SETD2: variants seen among roughly 807,000 people sequenced by gnomAD.
SETD2 encodes histone-lysine N-methyltransferase SETD2.
SETD2 carries 31 observed loss-of-function variants against 242.1 expected under a neutral mutation model. The ratio of observed to expected loss-of-function variants is 0.13; its 90% CI spans 0.10 to 0.17. The LOEUF (loss-of-function observed/expected upper bound fraction) is 0.17. Ranked by LOEUF, SETD2 falls within the 10% of genes least tolerant of loss-of-function variation. The pLI is 1.00. For missense variants in SETD2, 2,481 were observed against 3,046.3 expected, an observed-to-expected ratio of 0.81 and a Z score of 4.37; for synonymous variants, 1,006 against 1,066.5, an observed-to-expected ratio of 0.94 and a Z score of 1.11.
chr3:47,085,626 A>C (rs2041520212), intron 11 of SETD2, among the ~76,000 whole-genome samples: 1 of 152,208 alleles, frequency 6.6e-6, no homozygotes, highest in African/African-American at 2.4e-5. Flanking sequence ...TTTGTTTTTA[A>C]AAGTGTTTTA....
Position 47,121,668 on chromosome 3 carries a change from C to T in SETD2, c.2968G>A (p.Val990Met), listed in dbSNP as rs2106657278. 1.9e-6 allele frequency: 3 copies of T among 1,613,794 alleles called. No individual in the cohort carries two copies. The highest frequency in any genetic ancestry group is 2.5e-6 in the Non-Finnish European group (3 of 1,179,700). ...ACTTCTGAGTCATCAGAAGTATGCA[C>T]ATGTCCTCCTTCTCCTCTTTCATCT... Reference protein sequence around the residue: ...SLDERGEGGHVHTSDDSEVVF... With the variant: ...SLDERGEGGHMHTSDDSEVVF... The change falls in exon 3 of 21, where the codon GTG (valine) becomes ATG (methionine). Residue 990 changes from valine (V) to methionine (M), a missense_variant. Physicochemically the swap from Val to Met is conservative, Grantham distance 21. Coordinates refer to ENST00000409792, the MANE Select transcript of SETD2 (RefSeq NM_014159.7).
intron 12 of SETD2, among the ~76,000 whole-genome samples, chr3:47,078,005 C>T (rs2041165435): frequency 6.6e-6 from 1 of 151,968 alleles, no homozygotes; most frequent in Admixed American, 6.6e-5. Context: ...AAACTTCTTG[C>T]TTAAAAAAGA....
chr3:47,112,534 G>A (rs1433481105), intron 5 of SETD2, among the ~76,000 whole-genome samples: 3 of 151,840 alleles, frequency 2.0e-5, no homozygotes, highest in African/African-American at 4.8e-5. Context: ...TGCCCACCTC[G>A]GCCTCCCAAA....
intron 18 of SETD2, among the ~76,000 whole-genome samples, chr3:47,034,882 G>A (rs1377577138): frequency 6.6e-6 from 1 of 152,174 alleles, no homozygotes; most frequent in African/African-American, 2.4e-5. Flanking sequence ...GTGAAAGAGT[G>A]AGATGAAGTT....
rs76939908 is a variant in SETD2, at chr3:47,158,029, A to G, written c.71+5825T>C. ...TAGGTTCACAAAGCAATTAAGTAAAAGAGATGAGATTCTAAACCAGGAGTT... is the reference window on the plus strand; with the variant it reads ...TAGGTTCACAAAGCAATTAAGTAAAGGAGATGAGATTCTAAACCAGGAGTT... On this transcript the variant is annotated intron_variant, in intron 1 of 20. Coordinates refer to ENST00000409792, the MANE Select transcript of SETD2 (RefSeq NM_014159.7). Among the ~76,000 whole-genome samples the G allele has an allele frequency of 3.0e-4, 46 of 152,318 alleles. 1 individual carries two copies. In the East Asian group the frequency reaches 8.7e-3, roughly 29 times the overall value.
At chr3:47,155,773 T>G (rs1385334153) in intron 1 of SETD2, among the ~76,000 whole-genome samples, 1 of 152,104 alleles carries the variant, frequency 6.6e-6, no homozygotes, top group African/African-American at 2.4e-5. Flanking sequence ...GCCACTGCAC[T>G]CCAGCCTGGG....
intron 19 of SETD2, 26 bp downstream of exon 19, chr3:47,019,734 T>C: frequency 6.3e-7 from 1 of 1,579,964 alleles, no homozygotes; most frequent in Non-Finnish European, 8.7e-7. Flanking sequence ...CTGAGGAGCT[T>C]AGTGCTTATA....
chr3:47,064,864 G>A (rs1255981668), intron 13 of SETD2, among the ~76,000 whole-genome samples: 1 of 150,882 alleles, frequency 6.6e-6, no homozygotes, highest in Non-Finnish European at 1.5e-5. Context: ...TTAGAAACCT[G>A]AGACTGAGAT....
At chr3:47,061,199 C>G (rs12491419) in intron 14 of SETD2, among the ~76,000 whole-genome samples, 4,644 of 152,140 alleles carry the variant, frequency 0.031, 229 homozygotes, top group East Asian at 0.13. Context: ...GCCTGGGCAA[C>G]AGAGCAAGGC....
intron 14 of SETD2, among the ~76,000 whole-genome samples, chr3:47,059,304 A>G (rs533018960): frequency 2.0e-5 from 3 of 149,922 alleles, no homozygotes; most frequent in Admixed American, 2.0e-4. Flanking sequence ...CTTAGTAGAG[A>G]CAGGTTTCAC....
intron 2 of SETD2, among the ~76,000 whole-genome samples, chr3:47,126,146 C>G (rs1327910945): frequency 6.6e-6 from 1 of 152,194 alleles, no homozygotes; most frequent in East Asian, 1.9e-4. Flanking sequence ...TCTCCTGCCT[C>G]AGTCTCCTGA....
intron 17 of SETD2, among the ~76,000 whole-genome samples, chr3:47,040,569 ATTTTTTTTT>A (rs34309892): frequency 2.2e-5 from 2 of 91,740 alleles, no homozygotes; most frequent in Admixed American, 1.5e-4. Context: ...AGGGAAAAGG[ATTTTTTTTT>A]TTTTTTTTTT....
At chr3:47,148,926 C>A (rs1425910225) in intron 1 of SETD2, among the ~76,000 whole-genome samples, 1 of 152,174 alleles carries the variant, frequency 6.6e-6, no homozygotes, top group African/African-American at 2.4e-5. Context: ...CTACTTAAGG[C>A]ACCTGGACAG....
intron 9 of SETD2, among the ~76,000 whole-genome samples, chr3:47,091,500 C>A (rs956049658): frequency 2.0e-5 from 3 of 152,030 alleles, no homozygotes; most frequent in Non-Finnish European, 2.9e-5. Context: ...CGGTGGCTCA[C>A]GCCTGTAATC....
chr3:47,100,827 G>A (rs1319913802), intron 8 of SETD2, among the ~76,000 whole-genome samples: 5 of 151,158 alleles, frequency 3.3e-5, no homozygotes, highest in Admixed American at 2.0e-4. Flanking sequence ...TGGCTAACAC[G>A]GTGAAACCCT....
intron 1 of SETD2, chr3:47,163,430 T>TCACCGGCGCCCTCTTGCCGGGCCCGG (rs1697562922): frequency 6.6e-6 from 1 of 152,088 alleles, no homozygotes; most frequent in Non-Finnish European, 1.5e-5. Context: ...CGGCCTACCC[T>TCACCGGCGCCCTCTTGCCGGGCCCGG]CACCGGCGCC....
At chr3:47,081,843 G>A (rs2041330376) in intron 12 of SETD2, among the ~76,000 whole-genome samples, 1 of 152,170 alleles carries the variant, frequency 6.6e-6, no homozygotes, top group South Asian at 2.1e-4. Flanking sequence ...GCAAACTAAA[G>A]TTTGAAGAAG....
At chr3:47,051,057 C>A (rs2039820361) in intron 15 of SETD2, among the ~76,000 whole-genome samples, 1 of 151,682 alleles carries the variant, frequency 6.6e-6, no homozygotes, top group Admixed American at 6.6e-5. Flanking sequence ...TCTACTCATA[C>A]CATGTGCAAG....
chr3:47,018,886 GAT>G (rs2038095326), intron 19 of SETD2, among the ~76,000 whole-genome samples: 1 of 152,184 alleles, frequency 6.6e-6, no homozygotes, highest in South Asian at 2.1e-4. Flanking sequence ...ACATTCTATT[GAT>G]ATAAGTTAGA....
Sources: allele counts gnomAD v4.1 joint callset (sites outside exome capture counted in the v4.1 genomes callset), GRCh38; gene constraint gnomAD v4.1.1; transcripts MANE v1.5; gene names NCBI Gene and HGNC (gene_info 2026-07-23, HGNC 2026-07-21).